The following ST6GALNAC3 variants were observed in gnomAD, a reference collection of about 807,000 sequenced individuals.
ST6GALNAC3 encodes the protein alpha-N-acetylgalactosaminide alpha-2,6-sialyltransferase 3.
Under a neutral mutation model 32.7 loss-of-function variants are expected in ST6GALNAC3, and 25 were observed. The ratio of observed to expected loss-of-function variants is 0.76; its 90% CI spans 0.56 to 1.07. ST6GALNAC3 has a LOEUF of 1.07. Ranked by LOEUF, ST6GALNAC3 falls within the 50% of genes least tolerant of loss-of-function variation. The probability of loss-of-function intolerance (pLI) is 0.00; values close to 1 mark genes in which losing one functional copy is unlikely to be tolerated. For missense variants in ST6GALNAC3, 355 were observed against 382.4 expected (o/e 0.93, Z 0.60); for synonymous variants, 129 against 133.1 (o/e 0.97, Z 0.21).
At chr1:76,346,750 T>C (rs189984475) in intron 2 of ST6GALNAC3, among the ~76,000 whole-genome samples, 12 of 152,286 alleles carry the variant, frequency 7.9e-5, no homozygotes, top group African/African-American at 2.9e-4. Flanking sequence ...CAGTTCCTTC[T>C]ACATGAAATG....
At chr1:76,361,198 A>G (rs1649905434) in intron 2 of ST6GALNAC3, among the ~76,000 whole-genome samples, 1 of 152,040 alleles carries the variant, frequency 6.6e-6, no homozygotes, top group Non-Finnish European at 1.5e-5. Context: ...CAGAACTAAA[A>G]CTCCATACAC....
chr1:76,462,785 G>A (rs538949843), intron 3 of ST6GALNAC3, among the ~76,000 whole-genome samples: 50 of 152,216 alleles, frequency 3.3e-4, no homozygotes, highest in African/African-American at 1.0e-3. Flanking sequence ...AATATCATAC[G>A]TGCAGCCATG....
At chr1:76,564,433 T>A (rs1003170210) in intron 3 of ST6GALNAC3, among the ~76,000 whole-genome samples, 2 of 152,086 alleles carry the variant, frequency 1.3e-5, no homozygotes, top group African/African-American at 4.8e-5. Flanking sequence ...TTCAAAAGAA[T>A]CCCACAGCAA....
At chr1:76,434,784 G>GGT (rs1656017583) in intron 3 of ST6GALNAC3, among the ~76,000 whole-genome samples, 1 of 72,204 alleles carries the variant, frequency 1.4e-5, no homozygotes, top group Non-Finnish European at 2.5e-5. Flanking sequence ...TTTTTTCTCT[G>GGT]TTTTTTTTTT....
chr1:76,526,772 T>C (rs1264414383), intron 3 of ST6GALNAC3, among the ~76,000 whole-genome samples: 1 of 152,118 alleles, frequency 6.6e-6, no homozygotes, highest in Non-Finnish European at 1.5e-5. Flanking sequence ...AATATGATCC[T>C]TTTTGCTGTG....
chr1:76,317,769 T>A (rs1646892476), intron 2 of ST6GALNAC3, among the ~76,000 whole-genome samples: 1 of 152,112 alleles, frequency 6.6e-6, no homozygotes, highest in Non-Finnish European at 1.5e-5. Context: ...GTCATAGATT[T>A]TATGAGCTGA....
rs768505470 is a variant in ST6GALNAC3 at position 76,307,879 on chromosome 1, A to C, written c.19-5926A>C. On this transcript the variant is annotated intron_variant, in intron 1 of 4. Coordinates refer to ENST00000328299, the MANE Select transcript of ST6GALNAC3 (RefSeq NM_152996.4). ...AAATAATGGATTTTCTGTGGATTTT[A>C]TTTTGGAATAGGTATTTCTCCTATG... The C allele has an allele frequency of 3.3e-5, 17 of 514,710 alleles. 1 individual carries two copies. Among genetic ancestry groups the C allele is most frequent in the South Asian group, 2.3e-4 (16 of 70,808 alleles). The allele number at this position is 514,710 out of a possible 1,614,324, so 31.9% of individuals were successfully genotyped here. A position where few individuals can be genotyped will look rare whatever the true frequency, so the allele number is the denominator to read the frequency against.
At chr1:76,374,537 C>A (rs982446220) in intron 2 of ST6GALNAC3, among the ~76,000 whole-genome samples, 1 of 152,208 alleles carries the variant, frequency 6.6e-6, no homozygotes, top group Non-Finnish European at 1.5e-5. Context: ...AGACATCTGA[C>A]ATGTCTAATG....
intron 1 of ST6GALNAC3, among the ~76,000 whole-genome samples, chr1:76,100,873 C>T (rs1430916350): frequency 6.6e-6 from 1 of 150,538 alleles, no homozygotes; most frequent in African/African-American, 2.4e-5. Context: ...TTTTTTAATG[C>T]CAGTTTTAGA....
intron 1 of ST6GALNAC3, among the ~76,000 whole-genome samples, chr1:76,129,112 C>T (rs1649444141): frequency 1.3e-5 from 2 of 152,170 alleles, no homozygotes; most frequent in African/African-American, 4.8e-5. Context: ...TGTCCTATAA[C>T]ATCACCCACC....
chr1:76,576,325 G>A (rs1362514018), intron 3 of ST6GALNAC3, among the ~76,000 whole-genome samples: 1 of 152,022 alleles, frequency 6.6e-6, no homozygotes, highest in Non-Finnish European at 1.5e-5. Flanking sequence ...TAGACACTGT[G>A]GAAAATGAAG....
intron 1 of ST6GALNAC3, among the ~76,000 whole-genome samples, chr1:76,286,942 C>T (rs1208037885): frequency 6.6e-6 from 1 of 152,208 alleles, no homozygotes; most frequent in Admixed American, 6.5e-5. Flanking sequence ...TTAAAATGCC[C>T]TACAAGAAGT....
intron 2 of ST6GALNAC3, among the ~76,000 whole-genome samples, chr1:76,403,061 C>T (rs1329924528): frequency 1.3e-5 from 2 of 151,888 alleles, no homozygotes. Context: ...AAAAAAAAAT[C>T]TGTATTGAGT....
intron 3 of ST6GALNAC3, among the ~76,000 whole-genome samples, chr1:76,579,081 T>G (rs990127500): frequency 6.6e-6 from 1 of 152,090 alleles, no homozygotes; most frequent in African/African-American, 2.4e-5. Flanking sequence ...GTAACTTCAC[T>G]GGAAAATCTG....
At chr1:76,527,299 G>A (rs1449021303) in intron 3 of ST6GALNAC3, among the ~76,000 whole-genome samples, 1 of 152,028 alleles carries the variant, frequency 6.6e-6, no homozygotes, top group Non-Finnish European at 1.5e-5. Context: ...ATGGGTTCTG[G>A]TCATGGAAAG....
At chr1:76,324,536 A>T (rs1281242719) in intron 2 of ST6GALNAC3, among the ~76,000 whole-genome samples, 1 of 152,216 alleles carries the variant, frequency 6.6e-6, no homozygotes, top group African/African-American at 2.4e-5. Flanking sequence ...TAAATATCAG[A>T]CAAATAAATA....
chr1:76,468,244 A>T (rs1658778614), intron 3 of ST6GALNAC3, among the ~76,000 whole-genome samples: 1 of 151,988 alleles, frequency 6.6e-6, no homozygotes, highest in African/African-American at 2.4e-5. Context: ...AGCAGACAGA[A>T]AACAGAAAAG....
chr1:76,522,459 C>T (rs1662606145), intron 3 of ST6GALNAC3, among the ~76,000 whole-genome samples: 1 of 151,448 alleles, frequency 6.6e-6, no homozygotes, highest in Admixed American at 6.6e-5. Flanking sequence ...CTATTCTTGC[C>T]TCCTCCCTTT....
intron 1 of ST6GALNAC3, among the ~76,000 whole-genome samples, chr1:76,246,649 T>C (rs950008928): frequency 1.3e-5 from 2 of 152,192 alleles, no homozygotes; most frequent in African/African-American, 4.8e-5. Flanking sequence ...GTTTTTCAGC[T>C]CCATCAGGTC....
Sources: gnomAD v4.1 joint callset for allele counts (sites outside exome capture counted in the v4.1 genomes callset) on GRCh38, gnomAD v4.1.1 for gene constraint, MANE v1.5 for transcripts, NCBI Gene and HGNC (gene_info 2026-07-23, HGNC 2026-07-21) for gene names.